Variants in CAP2 observed in about 807,000 individuals in gnomAD.
CAP2 encodes the protein adenylyl cyclase-associated protein 2.
In CAP2, 24 loss-of-function variants were observed where a neutral mutation model predicts 57.7. That is an observed-to-expected ratio of 0.42 (90% CI 0.30 to 0.58). CAP2 has a LOEUF of 0.58. Among genes scored for constraint, CAP2 ranks in the 20% least tolerant of loss-of-function variants. CAP2 has a pLI of 0.22. For synonymous variants in CAP2, 194 were observed against 207.2 expected (o/e 0.94, Z 0.55); for missense variants, 501 against 590.3 (o/e 0.85, Z 1.57).
intron 11 of CAP2, among the ~76,000 whole-genome samples, chr6:17,549,615 G>A (rs896379214): frequency 6.6e-6 from 1 of 152,212 alleles, no homozygotes; most frequent in Non-Finnish European, 1.5e-5. Context: ...ATAGATGCCA[G>A]TTAATACCAC....
At chr6:17,511,215 G>A (rs923393950) in intron 6 of CAP2, among the ~76,000 whole-genome samples, 1 of 152,028 alleles carries the variant, frequency 6.6e-6, no homozygotes, top group African/African-American at 2.4e-5. Flanking sequence ...TTCTGAAAGC[G>A]GACTAAGCAG....
intron 3 of CAP2, among the ~76,000 whole-genome samples, chr6:17,444,300 G>GCT (rs1264151154): frequency 6.6e-6 from 1 of 152,132 alleles, no homozygotes; most frequent in Non-Finnish European, 1.5e-5. Context: ...TGAATTTACT[G>GCT]TGGCGGACAG....
At chr6:17,426,486 C>G (rs760719925) in intron 2 of CAP2, 104 bp from the exon 3 acceptor site, 2 of 779,336 alleles carry the variant, frequency 2.6e-6, no homozygotes, top group Non-Finnish European at 4.6e-6. Context: ...CTGCCTGCCT[C>G]GGACTCCCAA....
intron 1 of CAP2, among the ~76,000 whole-genome samples, chr6:17,405,264 C>G (rs1758929510): frequency 6.6e-6 from 1 of 152,070 alleles, no homozygotes. Flanking sequence ...GCTTGTTAAT[C>G]CCAGCCACTC....
intron 4 of CAP2, among the ~76,000 whole-genome samples, chr6:17,482,974 C>T (rs113284144): frequency 0.011 from 1,691 of 152,356 alleles, 33 homozygotes; most frequent in African/African-American, 0.038. Flanking sequence ...AGTTGTTTAG[C>T]GTGTCCTGGC....
chr6:17,398,149 C>T (rs571054199), intron 1 of CAP2, among the ~76,000 whole-genome samples: 3 of 152,212 alleles, frequency 2.0e-5, no homozygotes, highest in Admixed American at 2.0e-4. Context: ...CCCGGTCACT[C>T]ACGGACATCT....
chr6:17,442,799 C>A (rs1760126953), intron 3 of CAP2, among the ~76,000 whole-genome samples: 1 of 151,442 alleles, frequency 6.6e-6, no homozygotes, highest in African/African-American at 2.4e-5. Flanking sequence ...CTTACTGCAA[C>A]CTCTTCCTCC....
intron 3 of CAP2, among the ~76,000 whole-genome samples, chr6:17,458,547 CA>C (rs1172825182): frequency 1.3e-5 from 2 of 152,032 alleles, no homozygotes; most frequent in Non-Finnish European, 2.9e-5. Context: ...TGTCAGATGC[CA>C]AAACGTTAAT....
At position 17,541,042 on chromosome 6, in the gene CAP2, C is replaced by G. The variant is rs771100929; in HGVS notation, c.896C>G (p.Thr299Ser). The change falls in exon 9 of 13, where the codon ACT becomes AGT. Residue 299 changes from threonine to serine, a missense_variant. Physicochemically the swap from Thr to Ser is moderately conservative, Grantham distance 58 (BLOSUM62 1). Transcript: ENST00000229922. ...AGCCTGCGGGCTCAAGGAGGGCAAA[C>G]TCAATCTCCCACCAAAAGTCACACT... ...NPSLRAQGGQ[T>S]QSPTKSHTPS... The G allele has an allele frequency of 2.5e-6, 4 of 1,613,952 alleles. No individual in the cohort carries two copies. The highest frequency in any genetic ancestry group is 3.3e-4 in the Middle Eastern group (2 of 6,084).
At position 17,542,379 on chromosome 6, in the gene CAP2, T is replaced by C. The variant is rs1762926934; in HGVS notation, c.1003-458T>C. On this transcript the variant is annotated intron_variant, in intron 9 of 12. Transcript: ENST00000229922. Reference sequence around the variant, plus strand: ...AATGGTAATGAAAGCTGGTGTCTCCTGCTGATCTGGAGGGCTTCCCTAAAG... The same window carrying C: ...AATGGTAATGAAAGCTGGTGTCTCCCGCTGATCTGGAGGGCTTCCCTAAAG... Among the ~76,000 whole-genome samples the C allele has an allele frequency of 2.0e-5, 3 of 152,170 alleles. No individual in the cohort carries two copies. In the South Asian group the frequency reaches 6.2e-4, roughly 32 times the overall value.
At chr6:17,400,339 T>C (rs1491003230) in intron 1 of CAP2, among the ~76,000 whole-genome samples, 1 of 152,190 alleles carries the variant, frequency 6.6e-6, no homozygotes, top group Non-Finnish European at 1.5e-5. Context: ...TTTGCATCAT[T>C]CCATTTGGAG....
intron 3 of CAP2, among the ~76,000 whole-genome samples, chr6:17,439,038 G>T (rs1027607991): frequency 6.6e-6 from 1 of 150,704 alleles, no homozygotes; most frequent in African/African-American, 2.5e-5. Context: ...TTGAACCCAG[G>T]AGCCGGAGGT....
In CAP2 at chr6:17,435,727, A is replaced by C. The variant is rs566194985; in HGVS notation, c.222+9037A>C. 3.8e-3 allele frequency among the ~76,000 whole-genome samples: 563 copies of C among 146,518 alleles called. 5 individuals carry two copies. The highest frequency in any genetic ancestry group is 0.014 in the African/African-American group (528 of 37,538). Reference sequence around the variant, plus strand: ...AAAGAAGTTTACGGATAAAAAAAAAAAAAAACAAAAAAAAAACAATATATT... The same window carrying C: ...AAAGAAGTTTACGGATAAAAAAAAACAAAAACAAAAAAAAAACAATATATT... On this transcript the variant is annotated intron_variant, in intron 3 of 12. Transcript: ENST00000229922.
intron 4 of CAP2, among the ~76,000 whole-genome samples, chr6:17,490,535 C>T (rs1276562143): frequency 6.6e-6 from 1 of 152,170 alleles, no homozygotes; most frequent in Non-Finnish European, 1.5e-5. Flanking sequence ...TTATAAAACA[C>T]TTGCAATTTT....
chr6:17,554,715 G>T (rs561799646), intron 12 of CAP2, among the ~76,000 whole-genome samples: 1 of 152,230 alleles, frequency 6.6e-6, no homozygotes, highest in South Asian at 2.1e-4. Flanking sequence ...AATGAGCACC[G>T]CATGGACTGG....
chr6:17,539,244 A>C (rs1762843815), intron 7 of CAP2, 25 bp from the exon 8 acceptor site: 1 of 1,589,386 alleles, frequency 6.3e-7, no homozygotes, highest in African/African-American at 1.4e-5. Flanking sequence ...AATGCAATGC[A>C]ATGCCCTGTC....
chr6:17,523,927 AG>A (rs1762442774), intron 7 of CAP2, among the ~76,000 whole-genome samples: 1 of 152,178 alleles, frequency 6.6e-6, no homozygotes, highest in Non-Finnish European at 1.5e-5. Context: ...TACAAAAATT[AG>A]CTGGGCGTGG....
At chr6:17,429,072 G>A (rs1759661685) in intron 3 of CAP2, among the ~76,000 whole-genome samples, 1 of 152,148 alleles carries the variant, frequency 6.6e-6, no homozygotes, top group Non-Finnish European at 1.5e-5. Flanking sequence ...ATGCATCCAC[G>A]TCAAATGTAT....
intron 1 of CAP2, among the ~76,000 whole-genome samples, chr6:17,408,334 C>T (rs188198723): frequency 6.6e-6 from 1 of 152,278 alleles, no homozygotes; most frequent in Admixed American, 6.5e-5. Context: ...TGCCACTCTA[C>T]AGCTCACAAA....
Sources: gnomAD v4.1 joint callset for allele counts (sites outside exome capture counted in the v4.1 genomes callset) on GRCh38, gnomAD v4.1.1 for gene constraint, MANE v1.5 for transcripts, NCBI Gene and HGNC (gene_info 2026-07-23, HGNC 2026-07-21) for gene names.